The following TBC1D32 variants were observed in gnomAD, a reference collection of about 807,000 sequenced individuals.
The protein encoded by TBC1D32 is protein broad-minded.
A neutral mutation model predicts 170.3 loss-of-function variants in TBC1D32; 151 were observed. That is an observed-to-expected ratio of 0.89 (90% CI 0.78 to 1.01). TBC1D32 has a LOEUF of 1.01. TBC1D32 is among the 50% of genes least tolerant of loss of function. The probability of loss-of-function intolerance (pLI) is 0.00; values close to 1 mark genes in which losing one functional copy is unlikely to be tolerated. For synonymous variants in TBC1D32, 498 were observed against 488.0 expected (o/e 1.02, Z -0.27); for missense variants, 1,464 against 1,457.1 (o/e 1.00, Z -0.08).
chr6:121,316,439 C>T (rs10499108), intron 3 of TBC1D32, among the ~76,000 whole-genome samples: 4,987 of 152,178 alleles, frequency 0.033, 196 homozygotes, highest in East Asian at 0.12. Flanking sequence ...AACAAGCCAT[C>T]TGACTGTATT....
intron 20 of TBC1D32, among the ~76,000 whole-genome samples, chr6:121,229,225 T>C (rs1749383742): frequency 6.6e-6 from 1 of 152,146 alleles, no homozygotes. Context: ...ACAATAATCA[T>C]TTTCAAAGGT....
In TBC1D32 at chr6:121,310,781, C is replaced by G. The variant is rs573022154; in HGVS notation, c.562G>C (p.Glu188Gln). The G allele has an allele frequency of 1.9e-6, 3 of 1,552,048 alleles. No individual in the cohort carries two copies. In the South Asian group the frequency reaches 3.5e-5, roughly 18 times the overall value. The change falls in exon 4 of 32, where the codon GAG becomes CAG. Residue 188 changes from glutamate to glutamine, a missense_variant and splice_region_variant. Physicochemically the swap from Glu to Gln is conservative, Grantham distance 29. This residue lies in a region of TBC1D32 where 1,363 missense variants were observed against 1,338.1 expected (regional missense o/e 1.02). Transcript: ENST00000398212. ...TGACAGCTATCCTTGAAACTTACCTCTTTAGGTTGCCCAGGATCCAACTGG... is the reference window on the plus strand; with the variant it reads ...TGACAGCTATCCTTGAAACTTACCTGTTTAGGTTGCCCAGGATCCAACTGG... ...LDQLDPGQPK[E>Q]VRYEALQTLC...
chr6:121,152,462 G>A (rs1241966565), intron 24 of TBC1D32, among the ~76,000 whole-genome samples: 1 of 152,054 alleles, frequency 6.6e-6, no homozygotes, highest in Non-Finnish European at 1.5e-5. Context: ...TGGTGATTCT[G>A]TCGATTATGT....
At chr6:121,263,682 C>T (rs1345753363) in intron 15 of TBC1D32, among the ~76,000 whole-genome samples, 2 of 152,158 alleles carry the variant, frequency 1.3e-5, no homozygotes, top group East Asian at 1.9e-4. Context: ...TTAAAATCAA[C>T]CACATAATTG....
chr6:121,106,246 A>G (rs1778671788), intron 29 of TBC1D32, 83 bp from the exon 30 acceptor site: 1 of 880,536 alleles, frequency 1.1e-6, no homozygotes, highest in Non-Finnish European at 1.5e-6. Flanking sequence ...CAACATACCT[A>G]TTTTCCTTTT....
Position 121,303,852 on chromosome 6 carries a change from T to C in TBC1D32, c.936-91A>G, listed in dbSNP as rs1187386555. On this transcript the variant is annotated intron_variant, in intron 8 of 31. Coordinates refer to ENST00000398212, the MANE Select transcript of TBC1D32 (RefSeq NM_152730.6). ...GGAATGATAAAGTAGCATATAATCTTCAGAAACATTTTTTCTATTTCAGTA... is the reference window on the plus strand; with the variant it reads ...GGAATGATAAAGTAGCATATAATCTCCAGAAACATTTTTTCTATTTCAGTA... 4 of 894,398 alleles carry C rather than the reference T, an allele frequency of 4.5e-6. No homozygotes were observed. The African/African-American group carries it at 5.1e-5, about 11-fold the overall frequency. 55.4% of individuals were successfully genotyped at this position (894,398 alleles called of 1,614,324 possible). A position where few individuals can be genotyped will look rare whatever the true frequency, so the allele number is the denominator to read the frequency against.
At chr6:121,326,766 T>A (rs1810509510) in intron 1 of TBC1D32, among the ~76,000 whole-genome samples, 1 of 150,504 alleles carries the variant, frequency 6.6e-6, no homozygotes, top group African/African-American at 2.4e-5. Context: ...AAGAATCTTC[T>A]AGGGAAAAAA....
intron 15 of TBC1D32, among the ~76,000 whole-genome samples, chr6:121,272,673 A>C (rs564087800): frequency 1.3e-5 from 2 of 152,302 alleles, no homozygotes; most frequent in Admixed American, 6.5e-5. Flanking sequence ...ACTGTAAACT[A>C]GTTCAACCAT....
intron 16 of TBC1D32, 63 bp from the exon 17 acceptor site, chr6:121,255,473 A>G (rs945348520): frequency 2.7e-6 from 1 of 370,936 alleles, no homozygotes; most frequent in African/African-American, 2.2e-5. Context: ...TTTATATTTT[A>G]TAATTATATT....
intron 1 of TBC1D32, among the ~76,000 whole-genome samples, chr6:121,333,981 C>G (rs1217194488): frequency 1.3e-5 from 2 of 152,120 alleles, no homozygotes; most frequent in Admixed American, 6.5e-5. Flanking sequence ...GCTGGAGAAT[C>G]GCTTGAACCC....
At chr6:121,100,509 T>C (rs1189080966) in intron 30 of TBC1D32, among the ~76,000 whole-genome samples, 1 of 151,282 alleles carries the variant, frequency 6.6e-6, no homozygotes, top group Non-Finnish European at 1.5e-5. Context: ...TTGATCCCTT[T>C]CAGAAATAAA....
intron 26 of TBC1D32, among the ~76,000 whole-genome samples, chr6:121,121,875 A>G (rs1335407373): frequency 2.0e-5 from 3 of 152,066 alleles, no homozygotes; most frequent in Non-Finnish European, 2.9e-5. Flanking sequence ...AGAAATTACA[A>G]TGAGATGTAT....
At chr6:121,216,470 A>G (rs534594731) in intron 21 of TBC1D32, among the ~76,000 whole-genome samples, 1 of 152,294 alleles carries the variant, frequency 6.6e-6, no homozygotes, top group East Asian at 1.9e-4. Flanking sequence ...GTAGTTCTAG[A>G]GGAAGAGAAT....
chr6:121,162,569 A>G (rs576328003), intron 22 of TBC1D32, among the ~76,000 whole-genome samples: 1 of 152,270 alleles, frequency 6.6e-6, no homozygotes, highest in South Asian at 2.1e-4. Flanking sequence ...CATGCAAGAG[A>G]AAGAAATCAA....
intron 21 of TBC1D32, among the ~76,000 whole-genome samples, chr6:121,212,190 G>T (rs76439587): frequency 0.024 from 3,661 of 151,996 alleles, 164 homozygotes; most frequent in East Asian, 0.12. Flanking sequence ...GTGATTCCCA[G>T]AAAAGGCCAA....
intron 22 of TBC1D32, among the ~76,000 whole-genome samples, chr6:121,185,050 T>C (rs1384953636): frequency 1.9e-5 from 2 of 107,970 alleles, no homozygotes; most frequent in African/African-American, 3.9e-5. Context: ...ATTCTGTAAG[T>C]TTTTTTTTTT....
chr6:121,278,584 C>T (rs911037724), intron 15 of TBC1D32, among the ~76,000 whole-genome samples: 1 of 152,084 alleles, frequency 6.6e-6, no homozygotes, highest in Non-Finnish European at 1.5e-5. Flanking sequence ...TACAGCTATA[C>T]ACAAAAGTGT....
intron 22 of TBC1D32, among the ~76,000 whole-genome samples, chr6:121,184,173 A>T (rs1226657101): frequency 4.6e-5 from 7 of 152,020 alleles, no homozygotes; most frequent in Non-Finnish European, 1.0e-4. Flanking sequence ...TATCTTTACC[A>T]TTTTATCAAA....
chr6:121,241,147 T>C (rs1165069924), intron 19 of TBC1D32, among the ~76,000 whole-genome samples: 2 of 152,150 alleles, frequency 1.3e-5, no homozygotes. Context: ...GAGAAGATGA[T>C]ATTCTTCTGA....
Sources: gnomAD v4.1 joint callset for allele counts (sites outside exome capture counted in the v4.1 genomes callset) on GRCh38, gnomAD v4.1.1 for gene constraint, gnomAD v4.1.1 regional missense constraint, MANE v1.5 for transcripts, NCBI Gene and HGNC (gene_info 2026-07-23, HGNC 2026-07-21) for gene names.